The following CEP120 variants were observed in gnomAD, a reference collection of about 807,000 sequenced individuals.
The protein encoded by CEP120 is centrosomal protein 120.
CEP120 carries 113 observed loss-of-function variants against 126.5 expected under a neutral mutation model. The ratio of observed to expected loss-of-function variants is 0.89; its 90% confidence interval spans 0.77 to 1.04. CEP120 has a LOEUF of 1.04. Among genes scored for constraint, CEP120 ranks in the 50% least tolerant of loss-of-function variants. The pLI is 0.00. For missense variants in CEP120, 1,230 were observed against 1,155.7 expected (o/e 1.06, Z -0.93); for synonymous variants, 400 against 394.3 (o/e 1.01, Z -0.17).
chr5:123,362,898 A>G (rs958697909), intron 18 of CEP120, among the ~76,000 whole-genome samples: 4 of 151,418 alleles, frequency 2.6e-5, no homozygotes, highest in African/African-American at 9.7e-5. Flanking sequence ...AAATTTGCAA[A>G]TCCTATCTCC....
At chr5:123,372,190 C>G (rs17150383) in intron 17 of CEP120, among the ~76,000 whole-genome samples, 4,103 of 152,112 alleles carry the variant, frequency 0.027, 186 homozygotes, top group African/African-American at 0.092. Context: ...AGGGGTGATA[C>G]ACGGAGAGAA....
intron 8 of CEP120, among the ~76,000 whole-genome samples, chr5:123,388,992 G>T (rs932163014): frequency 6.6e-6 from 1 of 152,064 alleles, no homozygotes; most frequent in Non-Finnish European, 1.5e-5. Flanking sequence ...AGTAATTTTG[G>T]TTATTTTAGG....
intron 17 of CEP120, among the ~76,000 whole-genome samples, chr5:123,364,803 C>T (rs1562010009): frequency 1.3e-5 from 2 of 151,516 alleles, no homozygotes; most frequent in African/African-American, 4.8e-5. Context: ...TATTGCCTAA[C>T]AGTCTATCCT....
intron 8 of CEP120, among the ~76,000 whole-genome samples, chr5:123,389,138 A>G (rs2127066192): frequency 6.6e-6 from 1 of 152,376 alleles, no homozygotes; most frequent in Middle Eastern, 3.4e-3. Flanking sequence ...CAGCAAAGAC[A>G]TCTAACTCCT....
At chr5:123,394,131 ATACTGT>A (rs1339736577) in intron 5 of CEP120, among the ~76,000 whole-genome samples, 8 of 152,240 alleles carry the variant, frequency 5.3e-5, no homozygotes, top group Non-Finnish European at 1.2e-4. Flanking sequence ...GTTCACTAGC[ATACTGT>A]TAAACAATAA....
intron 18 of CEP120, chr5:123,358,531 G>A (rs902770231): frequency 6.6e-5 from 10 of 152,030 alleles, no homozygotes. Flanking sequence ...TTTTTACAAT[G>A]AGTAAATATG....
intron 4 of CEP120, among the ~76,000 whole-genome samples, chr5:123,409,971 CAAAAA>C (rs1353891467): frequency 1.5e-5 from 1 of 67,596 alleles, no homozygotes; most frequent in African/African-American, 6.5e-5. Context: ...ACAAAACAAG[CAAAAA>C]AAAAAAAAAA....
intron 3 of CEP120, among the ~76,000 whole-genome samples, chr5:123,415,782 G>A (rs1467661474): frequency 1.3e-5 from 2 of 151,982 alleles, no homozygotes; most frequent in African/African-American, 2.4e-5. Context: ...AAGGCAGGGA[G>A]AATTGCTTGA....
intron 4 of CEP120, among the ~76,000 whole-genome samples, chr5:123,405,973 CAG>C (rs1427695525): frequency 6.6e-6 from 1 of 151,804 alleles, no homozygotes; most frequent in Non-Finnish European, 1.5e-5. Flanking sequence ...CATACAAGAA[CAG>C]AGAGATAATG....
At chr5:123,380,221 C>A (rs1771543214) in intron 14 of CEP120, among the ~76,000 whole-genome samples, 1 of 151,808 alleles carries the variant, frequency 6.6e-6, no homozygotes, top group Admixed American at 6.6e-5. Flanking sequence ...ACTTTTTTTT[C>A]TCACTACTGA....
chr5:123,402,302 G>A (rs781310715), intron 4 of CEP120: 11 of 1,462,718 alleles, frequency 7.5e-6, no homozygotes, highest in Non-Finnish European at 1.0e-5. Flanking sequence ...GGGGGCCAGA[G>A]GTGGACACCT....
At chr5:123,368,509 A>G (rs1770628735) in intron 17 of CEP120, among the ~76,000 whole-genome samples, 1 of 152,012 alleles carries the variant, frequency 6.6e-6, no homozygotes, top group African/African-American at 2.4e-5. Context: ...CCAAATATGT[A>G]AGAAAAAGAA....
Position 123,354,359 on chromosome 5 carries a change from A to C in CEP120, c.2581-4270T>G, listed in dbSNP as rs761708230. 1.2e-3 allele frequency among the ~76,000 whole-genome samples: 188 copies of C among 152,272 alleles called. 2 individuals carry two copies. The highest frequency in any genetic ancestry group is 2.3e-3 in the Non-Finnish European group (155 of 68,008). On this transcript the variant is annotated intron_variant, in intron 18 of 19. Coordinates refer to ENST00000306467, the MANE Select transcript of CEP120 (RefSeq NM_001375405.1). ...GCTAAATGTTCCATGTGCACTAGAA[A>C]ATAGTGTACATTCTGGACTTTTTTG...
At chr5:123,401,317 T>G in intron 4 of CEP120, 1 of 1,604,824 alleles carries the variant, frequency 6.2e-7, no homozygotes, top group Admixed American at 1.7e-5. Context: ...TGGCCAGCTC[T>G]CCACACTGCT....
At chr5:123,421,296 G>C (rs569397975) in intron 1 of CEP120, among the ~76,000 whole-genome samples, 2 of 152,142 alleles carry the variant, frequency 1.3e-5, no homozygotes, top group Admixed American at 6.5e-5. Flanking sequence ...TGCTCACCCC[G>C]GCACAAGCTA....
At chr5:123,397,553 G>A (rs926075023) in intron 5 of CEP120, among the ~76,000 whole-genome samples, 13 of 152,212 alleles carry the variant, frequency 8.5e-5, no homozygotes, top group African/African-American at 2.9e-4. Flanking sequence ...TGATATAAAG[G>A]CAAAAGTATG....
Position 123,389,929 on chromosome 5 carries a change from G to A in CEP120, c.1250C>T (p.Pro417Leu). Reference sequence around the variant, plus strand: ...CAAACAACAAAAAACCTTACCTTTTGGATTTGGTTTGGTGTCCTTATCATA... The same window carrying A: ...CAAACAACAAAAAACCTTACCTTTTAGATTTGGTTTGGTGTCCTTATCATA... The part of the protein sequence containing the change: ...LQYDKDTKPN[P>L]KASSSVPASL... Residue 417 changes from proline (P) to leucine (L), a missense_variant, in exon 8 of 20, where the codon CCA (proline) becomes CTA (leucine). Coordinates refer to ENST00000306467, the MANE Select transcript of CEP120 (RefSeq NM_001375405.1). 6.2e-7 allele frequency: 1 copy of A among 1,612,538 alleles called. No individual in the cohort carries two copies. Among genetic ancestry groups the A allele is most frequent in the South Asian group, 1.1e-5 (1 of 90,982 alleles).
chr5:123,402,166 T>C (rs1773293911), intron 4 of CEP120: 3 of 1,582,296 alleles, frequency 1.9e-6, no homozygotes, highest in Non-Finnish European at 8.7e-7. Flanking sequence ...ATGCCTCCCA[T>C]GCCGCTGGCC....
Position 123,391,138 on chromosome 5 carries a change from G to A in CEP120, c.1010C>T (p.Ala337Val). 2 of 1,614,132 alleles carry A rather than the reference G, an allele frequency of 1.2e-6. No individual in the cohort carries two copies. The highest frequency in any genetic ancestry group is 1.1e-5 in the South Asian group (1 of 91,084). The change falls in exon 7 of 20, where the codon GCT becomes GTT. Residue 337 changes from alanine (A) to valine (V), a missense_variant. Ala to Val is a moderately conservative substitution (Grantham distance 64, BLOSUM62 0). Coordinates refer to ENST00000306467, the MANE Select transcript of CEP120 (RefSeq NM_001375405.1). The part of the protein sequence containing the change: ...ELAPTVGVSV[A>V]LQREGIDSQS... ...GGAGTCTATGCCTTCTCTCTGCAGA[G>A]CCACAGACACTCCCACAGTTGGGGC... is the stretch of plus-strand genomic sequence containing the variant.
Sources: gnomAD v4.1 joint callset for allele counts (sites outside exome capture counted in the v4.1 genomes callset) on GRCh38, gnomAD v4.1.1 for gene constraint, MANE v1.5 for transcripts, NCBI Gene and HGNC (gene_info 2026-07-23, HGNC 2026-07-21) for gene names.